Variants in ARHGAP29 observed in about 807,000 individuals in gnomAD.
ARHGAP29 encodes the protein Rho GTPase activating protein 29, also known as rho GTPase-activating protein 29.
In ARHGAP29, 43 loss-of-function variants were observed where a neutral mutation model predicts 122.6. The observed-to-expected ratio is 0.35, with a 90% confidence interval of 0.27 to 0.45. The LOEUF is 0.45. Ranked by LOEUF, ARHGAP29 falls within the 20% of genes least tolerant of loss-of-function variation. The pLI, the probability that ARHGAP29 is intolerant of heterozygous loss-of-function variation, is 1.00. For missense variants in ARHGAP29, 1,303 were observed against 1,477.2 expected (o/e 0.88, Z 1.93); for synonymous variants, 506 against 497.1 (o/e 1.02, Z -0.24).
intron 1 of ARHGAP29, among the ~76,000 whole-genome samples, chr1:94,264,758 G>A (rs759663905): frequency 3.3e-5 from 5 of 151,716 alleles, no homozygotes; most frequent in African/African-American, 4.8e-5. Context: ...CCCCATCCCC[G>A]GTCTTTGCCA....
the ARHGAP29 span, among the ~76,000 whole-genome samples, chr1:94,296,003 A>G: frequency 4.5e-3 from 684 of 152,342 alleles, 7 homozygotes; most frequent in Middle Eastern, 0.017. Flanking sequence ...CCAATCCAGG[A>G]AGACTTTTCT....
At chr1:94,311,624 G>A in the ARHGAP29 span, among the ~76,000 whole-genome samples, 10 of 152,088 alleles carry the variant, frequency 6.6e-5, no homozygotes, top group South Asian at 2.1e-4. Flanking sequence ...CAAACCCTTC[G>A]TGCTGCCTGG....
At position 94,173,974 on chromosome 1, in the gene ARHGAP29, A is replaced by G. The variant is rs2101310935; in HGVS notation, c.3681T>C (p.Ser1227=). ...GQATGQPKED[S]EELGLPDVNP... is the part of the protein sequence containing the mutation. ...TCACATCAGGCAAGCCAAGCTCCTCAGAGTCTTCTTTAGGTTGACCAGTTG... is the reference window on the plus strand; with the variant it reads ...TCACATCAGGCAAGCCAAGCTCCTCGGAGTCTTCTTTAGGTTGACCAGTTG... Residue 1227 remains serine (S), a synonymous_variant, in exon 23 of 23, where the codon TCT becomes TCC. Coordinates refer to ENST00000260526, the MANE Select transcript of ARHGAP29 (RefSeq NM_004815.4). 6.2e-7 allele frequency: 1 copy of G among 1,614,208 alleles called. No homozygotes were observed. Among genetic ancestry groups the G allele is most frequent in the East Asian group, 2.2e-5 (1 of 44,892 alleles).
intron 1 of ARHGAP29, among the ~76,000 whole-genome samples, chr1:94,258,845 G>A (rs767032157): frequency 6.6e-6 from 1 of 152,132 alleles, no homozygotes; most frequent in Non-Finnish European, 1.5e-5. Flanking sequence ...CTAGTAAGTG[G>A]CAAAACCAGG....
At chr1:94,288,283 C>T in the ARHGAP29 span, among the ~76,000 whole-genome samples, 1 of 152,198 alleles carries the variant, frequency 6.6e-6, no homozygotes, top group Admixed American at 6.5e-5. Context: ...ATGTTGGCTG[C>T]ATAAATGTGT....
intron 3 of ARHGAP29, among the ~76,000 whole-genome samples, chr1:94,214,056 C>T (rs1219201434): frequency 2.0e-5 from 3 of 152,132 alleles, no homozygotes; most frequent in East Asian, 1.9e-4. Context: ...GGTGATATAA[C>T]AGTAATATAT....
intron 1 of ARHGAP29, among the ~76,000 whole-genome samples, chr1:94,260,566 A>G (rs757440338): frequency 2.0e-5 from 3 of 152,198 alleles, no homozygotes; most frequent in Non-Finnish European, 1.5e-5. Flanking sequence ...AGGAAAGAAT[A>G]ATCAATAGCA....
At chr1:94,194,027 A>T (rs1650289893) in intron 12 of ARHGAP29, 1 of 152,208 alleles carries the variant, frequency 6.6e-6, no homozygotes, top group African/African-American at 2.4e-5. Context: ...TACGGTGGTG[A>T]TGCTTCTGTG....
At chr1:94,239,818 C>G (rs1653509107), upstream of ARHGAP29, among the ~76,000 whole-genome samples, 1 of 152,162 alleles carries the variant, frequency 6.6e-6, no homozygotes, top group African/African-American at 2.4e-5. Context: ...CCTTGATTAC[C>G]TGCTTCCACA....
upstream of ARHGAP29, among the ~76,000 whole-genome samples, chr1:94,239,070 G>T (rs1404942937): frequency 6.6e-6 from 1 of 152,016 alleles, no homozygotes; most frequent in African/African-American, 2.4e-5. Flanking sequence ...TAGTAACAAG[G>T]TCCTGCCACA....
intron 2 of ARHGAP29, among the ~76,000 whole-genome samples, chr1:94,228,158 C>T (rs1652726016): frequency 6.6e-6 from 1 of 151,746 alleles, no homozygotes; most frequent in Non-Finnish European, 1.5e-5. Context: ...GTATATGTAT[C>T]TTAACCCTGT....
In ARHGAP29 at chr1:94,169,380, G is replaced by T. The variant is rs1323358133; in HGVS notation, c.*4489C>A. Among the ~76,000 whole-genome samples the T allele has an allele frequency of 1.3e-5, 2 of 152,106 alleles. No homozygotes were observed. Among genetic ancestry groups the T allele is most frequent in the African/African-American group, 4.8e-5 (2 of 41,414 alleles). On this transcript the variant is annotated 3_prime_UTR_variant, in exon 23 of 23. Transcript: ENST00000260526. ...GCTGCTATGACTGCGGATTTATTTG[G>T]CATATTTGGGACTGGGTGTGATGAG...
rs1328124807 is a variant in ARHGAP29, at chr1:94,174,528, T to C, written c.3127A>G (p.Asn1043Asp). ...GGATTCTTGCAAAACTTGTCTAAAT[T>C]TACATTTCCCATATTTCTGCCATTT... ...ERNGRNMGNV[N>D]LDKFCKNPAF... The change falls in exon 23 of 23, where the codon AAT becomes GAT. Residue 1043 changes from asparagine to aspartate, a missense_variant. Around this residue, in one of 3 missense-constraint regions of ARHGAP29, gnomAD observed 620 missense variants for 651.2 expected, o/e 0.95. Coordinates refer to ENST00000260526, the MANE Select transcript of ARHGAP29 (RefSeq NM_004815.4). 1 of 1,614,054 alleles carries C rather than the reference T, an allele frequency of 6.2e-7. No homozygotes were observed. The highest frequency in any genetic ancestry group is 8.5e-7 in the Non-Finnish European group (1 of 1,180,036).
At chr1:94,285,873 CAA>C in the ARHGAP29 span, among the ~76,000 whole-genome samples, 33 of 72,612 alleles carry the variant, frequency 4.5e-4, no homozygotes, top group East Asian at 2.3e-3. Context: ...GACTCTGTCT[CAA>C]AAAAAAAAAA....
intron 2 of ARHGAP29, 38 bp downstream of exon 2, chr1:94,231,369 A>T: frequency 2.6e-6 from 4 of 1,566,402 alleles, no homozygotes; most frequent in Non-Finnish European, 3.5e-6. Flanking sequence ...AAATTTTACA[A>T]ACTATCCAGC....
At chr1:94,298,659 G>A in the ARHGAP29 span, among the ~76,000 whole-genome samples, 1 of 152,150 alleles carries the variant, frequency 6.6e-6, no homozygotes, top group Admixed American at 6.5e-5. Context: ...ACACCAAAGA[G>A]AAATGAGATA....
At chr1:94,280,414 A>G in the ARHGAP29 span, among the ~76,000 whole-genome samples, 1 of 152,182 alleles carries the variant, frequency 6.6e-6, no homozygotes, top group Admixed American at 6.5e-5. Flanking sequence ...TGGAGAAGAG[A>G]GCCAGACCAA....
chr1:94,269,405 A>G (rs1365645707), intron 1 of ARHGAP29, among the ~76,000 whole-genome samples: 2 of 152,202 alleles, frequency 1.3e-5, no homozygotes, highest in African/African-American at 4.8e-5. Context: ...TGCTAAAGGA[A>G]CACAAGCAGT....
the ARHGAP29 span, among the ~76,000 whole-genome samples, chr1:94,308,143 G>T: frequency 6.6e-6 from 1 of 152,132 alleles, no homozygotes; most frequent in African/African-American, 2.4e-5. Context: ...ATCCTGGGGA[G>T]AAATAGACTT....
Sources: gnomAD v4.1 joint callset for allele counts (sites outside exome capture counted in the v4.1 genomes callset) on GRCh38, gnomAD v4.1.1 for gene constraint, gnomAD v4.1.1 regional missense constraint, MANE v1.5 for transcripts, NCBI Gene and HGNC (gene_info 2026-07-23, HGNC 2026-07-21) for gene names.